The following SIL1 variants were observed in gnomAD, a reference collection of about 807,000 sequenced individuals.
The protein encoded by SIL1 is SIL1 nucleotide exchange factor.
In SIL1, 40 loss-of-function variants were observed where a neutral mutation model predicts 49.1. The observed-to-expected ratio is 0.81, with a 90% CI of 0.63 to 1.06. The LOEUF is 1.06. Among genes scored for constraint, SIL1 ranks in the 50% least tolerant of loss-of-function variants. The pLI, the probability that SIL1 is intolerant of heterozygous loss-of-function variation, is 0.00. For missense variants in SIL1, 500 were observed against 572.6 expected, an observed-to-expected ratio of 0.87 and a Z score of 1.29; for synonymous variants, 253 against 250.8, an observed-to-expected ratio of 1.01 and a Z score of -0.08.
intron 3 of SIL1, among the ~76,000 whole-genome samples, chr5:139,101,971 G>A (rs979283089): frequency 2.6e-5 from 4 of 152,138 alleles, no homozygotes; most frequent in Admixed American, 2.0e-4. Context: ...TATCTAAAAC[G>A]CCTGGAAAAG....
intron 7 of SIL1, among the ~76,000 whole-genome samples, chr5:139,009,131 T>C (rs1428936247): frequency 6.6e-6 from 1 of 151,624 alleles, no homozygotes; most frequent in East Asian, 1.9e-4. Flanking sequence ...ACTTGCGTTA[T>C]GAATCTGGGT....
At chr5:139,167,012 C>A (rs960199515) in intron 1 of SIL1, among the ~76,000 whole-genome samples, 3 of 152,040 alleles carry the variant, frequency 2.0e-5, no homozygotes, top group Admixed American at 6.6e-5. Flanking sequence ...CGGGGTTTCA[C>A]CGTGTTAGCC....
intron 4 of SIL1, among the ~76,000 whole-genome samples, chr5:139,048,475 A>G (rs1030591558): frequency 8.0e-5 from 12 of 149,546 alleles, no homozygotes; most frequent in African/African-American, 3.0e-4. Context: ...TCCCAGGCTC[A>G]AGTGATCCTC....
intron 1 of SIL1, among the ~76,000 whole-genome samples, chr5:139,134,701 C>G (rs528986139): frequency 6.6e-6 from 1 of 152,340 alleles, no homozygotes; most frequent in East Asian, 1.9e-4. Flanking sequence ...GCAGACCCAG[C>G]CCACTCAGTG....
intron 3 of SIL1, among the ~76,000 whole-genome samples, chr5:139,096,224 C>A (rs1213391014): frequency 6.6e-6 from 1 of 152,144 alleles, no homozygotes; most frequent in African/African-American, 2.4e-5. Context: ...GACGCCCACC[C>A]ATGGAGGGAG....
intron 1 of SIL1, among the ~76,000 whole-genome samples, chr5:139,164,664 G>C (rs996558007): frequency 6.6e-6 from 1 of 152,140 alleles, no homozygotes; most frequent in Non-Finnish European, 1.5e-5. Context: ...TAGGAGGTGG[G>C]TATCAGTACA....
At chr5:139,121,293 G>T in intron 2 of SIL1, 120 bp from the exon 3 acceptor site, 1 of 1,378,008 alleles carries the variant, frequency 7.3e-7, no homozygotes, top group Non-Finnish European at 1.0e-6. Flanking sequence ...AGCCTGATAT[G>T]TCTGGACACT....
intron 1 of SIL1, among the ~76,000 whole-genome samples, chr5:139,178,538 C>T (rs1218239696): frequency 6.6e-6 from 1 of 152,078 alleles, no homozygotes; most frequent in Non-Finnish European, 1.5e-5. Flanking sequence ...TAAAACTCCC[C>T]ACCCACTGCC....
intron 3 of SIL1, among the ~76,000 whole-genome samples, chr5:139,111,807 G>A (rs2151788156): frequency 6.6e-6 from 1 of 152,066 alleles, no homozygotes; most frequent in Admixed American, 6.5e-5. Flanking sequence ...AGACTAATCT[G>A]TTACACTTAA....
intron 3 of SIL1, among the ~76,000 whole-genome samples, chr5:139,083,126 T>C (rs974790404): frequency 1.3e-5 from 2 of 152,130 alleles, no homozygotes; most frequent in Non-Finnish European, 2.9e-5. Context: ...AGGCTTGATG[T>C]GAGCTTCATG....
At chr5:139,052,212 G>C (rs1769304578) in intron 3 of SIL1, among the ~76,000 whole-genome samples, 1 of 123,346 alleles carries the variant, frequency 8.1e-6, no homozygotes, top group Non-Finnish European at 1.7e-5. Context: ...AGAGAACTCT[G>C]AGTTCCACCA....
chr5:139,067,034 T>C (rs1344260098), intron 3 of SIL1, among the ~76,000 whole-genome samples: 4 of 152,224 alleles, frequency 2.6e-5, no homozygotes, highest in Non-Finnish European at 2.9e-5. Flanking sequence ...TTATATTCCC[T>C]GCATTGCTGA....
At chr5:138,970,325 G>A (rs1379812372) in intron 7 of SIL1, among the ~76,000 whole-genome samples, 1 of 152,216 alleles carries the variant, frequency 6.6e-6, no homozygotes, top group Non-Finnish European at 1.5e-5. Context: ...TGTGTGCAAA[G>A]CAAAGTGTTA....
intron 6 of SIL1, among the ~76,000 whole-genome samples, chr5:139,021,659 C>T (rs1169104179): frequency 6.6e-6 from 1 of 152,154 alleles, no homozygotes; most frequent in Non-Finnish European, 1.5e-5. Context: ...TAAATGGTGC[C>T]ATGCTTCCTG....
intron 3 of SIL1, among the ~76,000 whole-genome samples, chr5:139,081,574 G>A (rs776010717): frequency 8.5e-5 from 13 of 152,170 alleles, no homozygotes; most frequent in Non-Finnish European, 1.5e-4. Context: ...TAGACTATGT[G>A]AATGGCTACA....
At chr5:139,001,574 G>GA (rs1211389047) in intron 7 of SIL1, among the ~76,000 whole-genome samples, 1 of 152,142 alleles carries the variant, frequency 6.6e-6, no homozygotes, top group Non-Finnish European at 1.5e-5. Flanking sequence ...TGGTAGGGGG[G>GA]ATACAATGAA....
At chr5:139,170,967 G>A (rs1219392125) in intron 1 of SIL1, among the ~76,000 whole-genome samples, 13 of 145,120 alleles carry the variant, frequency 9.0e-5, no homozygotes, top group East Asian at 4.3e-4. Flanking sequence ...TCAGTCCCCC[G>A]CCCGGCCAGC....
intron 7 of SIL1, among the ~76,000 whole-genome samples, chr5:138,968,979 C>T (rs1301191107): frequency 3.3e-5 from 5 of 152,176 alleles, no homozygotes; most frequent in Non-Finnish European, 7.3e-5. Context: ...GTCCTCCTCA[C>T]TGCATATCCC....
chr5:138,982,094 T>C (rs1422238572), intron 7 of SIL1, among the ~76,000 whole-genome samples: 5 of 152,238 alleles, frequency 3.3e-5, no homozygotes, highest in Admixed American at 1.3e-4. Flanking sequence ...GTGCCTGACA[T>C]GTTGTAGGTA....
Sources: gnomAD v4.1 joint callset for allele counts (sites outside exome capture counted in the v4.1 genomes callset) on GRCh38, gnomAD v4.1.1 for gene constraint, MANE v1.5 for transcripts, NCBI Gene and HGNC (gene_info 2026-07-23, HGNC 2026-07-21) for gene names.